Variants in STAMBPL1 observed in about 807,000 individuals in gnomAD.
STAMBPL1 encodes the protein STAM binding protein like 1, also known as AMSH-like protease.
STAMBPL1 carries 44 observed loss-of-function variants against 52.9 expected under a neutral mutation model. The observed-to-expected ratio is 0.83, with a 90% confidence interval of 0.65 to 1.07. The LOEUF (loss-of-function observed/expected upper bound fraction) is 1.07, where lower values mean the gene tolerates loss of function less well. Ranked by LOEUF, STAMBPL1 falls within the 50% of genes least tolerant of loss-of-function variation. The pLI is 0.00. For synonymous variants in STAMBPL1, 164 were observed against 177.3 expected (o/e 0.92, Z 0.60); for missense variants, 511 against 520.8 (o/e 0.98, Z 0.18).
chr10:88,910,296 C>T (rs902993774), intron 4 of STAMBPL1, among the ~76,000 whole-genome samples: 4 of 152,006 alleles, frequency 2.6e-5, no homozygotes, highest in African/African-American at 9.7e-5. Context: ...CCTTTGTATC[C>T]TCAACTCTAA....
At chr10:88,912,089 G>A (rs1845240042) in intron 5 of STAMBPL1, among the ~76,000 whole-genome samples, 1 of 152,170 alleles carries the variant, frequency 6.6e-6, no homozygotes. Context: ...AGAATAGCAG[G>A]ACTGAGCCTA....
At chr10:88,914,370 TA>T (rs1237610947) in intron 6 of STAMBPL1, among the ~76,000 whole-genome samples, 163 bp from the exon 7 acceptor site, 4 of 152,170 alleles carry the variant, frequency 2.6e-5, no homozygotes, top group African/African-American at 9.6e-5. Flanking sequence ...TACTTCTAGT[TA>T]ATGTTTACTT....
Position 88,921,395 on chromosome 10 carries a change from AGTAAGT to A in STAMBPL1, c.1154+5_1154+10del, listed in dbSNP as rs1446367697. On this transcript the variant is annotated splice_donor_variant and splice_donor_5th_base_variant and intron_variant, in intron 9 of 10. Transcript: ENST00000371926. LOFTEE classifies it high-confidence loss of function. ...ATTGTTTGCTCACCAAAGCATAAAG[AGTAAGT>A]GTAACTCTTCAGGGGAGACCAAAGA... 18 of 1,611,076 alleles carry A rather than the reference AGTAAGT, an allele frequency of 1.1e-5. No homozygotes were observed. The highest frequency in any genetic ancestry group is 1.4e-5 in the Non-Finnish European group (16 of 1,177,720).
At chr10:88,883,637 A>G (rs1844459991) in intron 1 of STAMBPL1, among the ~76,000 whole-genome samples, 1 of 152,254 alleles carries the variant, frequency 6.6e-6, no homozygotes, top group African/African-American at 2.4e-5. Context: ...AACATTTGGC[A>G]TACTGCTGAG....
intron 1 of STAMBPL1, among the ~76,000 whole-genome samples, chr10:88,892,879 A>T (rs1306741999): frequency 2.6e-5 from 4 of 152,222 alleles, no homozygotes; most frequent in Non-Finnish European, 5.9e-5. Flanking sequence ...ATGCCCAAGG[A>T]CTAACTACAT....
At chr10:88,894,873 T>G (rs1045512984) in intron 1 of STAMBPL1, among the ~76,000 whole-genome samples, 1 of 152,228 alleles carries the variant, frequency 6.6e-6, no homozygotes, top group African/African-American at 2.4e-5. Flanking sequence ...TTATTTACTA[T>G]TTTACTATTC....
intron 1 of STAMBPL1, among the ~76,000 whole-genome samples, chr10:88,900,742 T>A (rs1315290736): frequency 6.6e-6 from 1 of 152,234 alleles, no homozygotes; most frequent in East Asian, 1.9e-4. Context: ...ATTAAAGGCT[T>A]AAATATACAT....
At position 88,923,199 on chromosome 10, in the gene STAMBPL1, A is replaced by G; in HGVS notation, c.1286A>G (p.Lys429Arg). The stretch of plus-strand genomic sequence containing the variant: ...AAACATGTGTTGGTAAAAGACATAA[A>G]AATAATTGTGTTGGATCTGAGGTGA... ...ICKHVLVKDI[K>R]IIVLDLR Residue 429 changes from lysine (K) to arginine (R), a missense_variant, in exon 11 of 11, where the codon AAA becomes AGA. Lys to Arg is a conservative substitution (Grantham distance 26, BLOSUM62 2). Around this residue, in one of 3 missense-constraint regions of STAMBPL1, gnomAD observed 137 missense variants for 139.9 expected, o/e 0.98. Transcript: ENST00000371926. 1 of 1,606,492 alleles carries G rather than the reference A, an allele frequency of 6.2e-7. No homozygotes were observed. Among genetic ancestry groups the G allele is most frequent in the African/African-American group, 1.3e-5 (1 of 74,680 alleles).
At chr10:88,907,106 G>A (rs3898173) in intron 3 of STAMBPL1, among the ~76,000 whole-genome samples, 8,206 of 151,880 alleles carry the variant, frequency 0.054, 573 homozygotes, top group African/African-American at 0.16. Context: ...CTTCTACATT[G>A]TAAGTGAGAT....
chr10:88,911,019 C>A lies in STAMBPL1; in HGVS notation c.420+8C>A. 6.6e-7 allele frequency: 1 copy of A among 1,504,396 alleles called. No homozygotes were observed. The highest frequency in any genetic ancestry group is 2.3e-5 in the East Asian group (1 of 42,786). 93.2% of individuals were successfully genotyped at this position (1,504,396 alleles called of 1,614,324 possible). Reference sequence around the variant, plus strand: ...GAATATTTGCAAAGCAAAGTAAGTTCAGTTGGTACATTTATTTCATGACTA... The same window carrying A: ...GAATATTTGCAAAGCAAAGTAAGTTAAGTTGGTACATTTATTTCATGACTA... On this transcript the variant is annotated splice_region_variant and intron_variant, in intron 5 of 10. Transcript: ENST00000371926.
At chr10:88,896,151 TC>T (rs2133148062) in intron 1 of STAMBPL1, among the ~76,000 whole-genome samples, 1 of 152,346 alleles carries the variant, frequency 6.6e-6, no homozygotes, top group South Asian at 2.1e-4. Context: ...TTCGTTTTTA[TC>T]TTATCAATAT....
intron 8 of STAMBPL1, among the ~76,000 whole-genome samples, chr10:88,917,619 A>G (rs1284751535): frequency 6.6e-6 from 1 of 152,092 alleles, no homozygotes; most frequent in African/African-American, 2.4e-5. Context: ...TTTTTGAGGG[A>G]CTCAGAAAAT....
intron 1 of STAMBPL1, among the ~76,000 whole-genome samples, chr10:88,895,271 TC>T (rs750009622): frequency 1.1e-4 from 16 of 152,240 alleles, no homozygotes; most frequent in African/African-American, 2.4e-4. Flanking sequence ...CACAGAATCC[TC>T]CCAACAGATT....
At chr10:88,902,120 A>G (rs916702255) in intron 2 of STAMBPL1, among the ~76,000 whole-genome samples, 1 of 152,184 alleles carries the variant, frequency 6.6e-6, no homozygotes, top group East Asian at 1.9e-4. Flanking sequence ...AGAAAAACAT[A>G]CATAACACCT....
At chr10:88,885,322 T>C (rs1236936255) in intron 1 of STAMBPL1, among the ~76,000 whole-genome samples, 1 of 151,992 alleles carries the variant, frequency 6.6e-6, no homozygotes, top group East Asian at 1.9e-4. Flanking sequence ...ATCTCCAATG[T>C]AGAATTAGTA....
At chr10:88,883,630 A>G (rs1021698448) in intron 1 of STAMBPL1, among the ~76,000 whole-genome samples, 7 of 152,230 alleles carry the variant, frequency 4.6e-5, no homozygotes, top group African/African-American at 1.7e-4. Flanking sequence ...CCAATTTAAC[A>G]TTTGGCATAC....
intron 7 of STAMBPL1, among the ~76,000 whole-genome samples, chr10:88,915,057 T>G (rs1186640745): frequency 2.6e-5 from 4 of 152,194 alleles, no homozygotes; most frequent in African/African-American, 9.6e-5. Context: ...CTTGCTGTTC[T>G]TTTTCAGATA....
chr10:88,902,909 T>G (rs1021479775), intron 2 of STAMBPL1, among the ~76,000 whole-genome samples: 5 of 152,102 alleles, frequency 3.3e-5, no homozygotes, highest in African/African-American at 1.2e-4. Flanking sequence ...TTCACAAAAA[T>G]TAGTTGTCTT....
At chr10:88,910,093 T>G (rs758052616) in intron 4 of STAMBPL1, among the ~76,000 whole-genome samples, 57 of 152,148 alleles carry the variant, frequency 3.7e-4, no homozygotes, top group Non-Finnish European at 7.3e-5. Context: ...GGAGAAAAAT[T>G]CTCCAAAACC....
Sources: gnomAD v4.1 joint callset for allele counts (sites outside exome capture counted in the v4.1 genomes callset) on GRCh38, gnomAD v4.1.1 for gene constraint, gnomAD v4.1.1 regional missense constraint, MANE v1.5 for transcripts, NCBI Gene and HGNC (gene_info 2026-07-23, HGNC 2026-07-21) for gene names.